The following GABBR2 variants were observed in gnomAD, a reference collection of about 807,000 sequenced individuals.
The protein encoded by GABBR2 is gamma-aminobutyric acid type B receptor subunit 2.
In GABBR2, 23 loss-of-function variants were observed where a neutral mutation model predicts 105.6. The ratio of observed to expected loss-of-function variants is 0.22; its 90% confidence interval spans 0.16 to 0.31. The LOEUF is 0.31. GABBR2 is among the 10% of genes least tolerant of loss of function. The pLI is 1.00. For missense variants in GABBR2, 734 were observed against 1,245.5 expected, an observed-to-expected ratio of 0.59 and a Z score of 6.18; for synonymous variants, 478 against 499.7, an observed-to-expected ratio of 0.96 and a Z score of 0.58.
intron 1 of GABBR2, among the ~76,000 whole-genome samples, chr9:98,657,987 A>T (rs1484279923): frequency 1.3e-5 from 2 of 152,250 alleles, no homozygotes; most frequent in Non-Finnish European, 2.9e-5. Context: ...AGTCTCAGGT[A>T]TTTCTTCATA....
chr9:98,411,138 CTT>C (rs1028421905), intron 7 of GABBR2, among the ~76,000 whole-genome samples: 1 of 152,138 alleles, frequency 6.6e-6, no homozygotes, highest in Non-Finnish European at 1.5e-5. Flanking sequence ...AAGTGGATAA[CTT>C]ATAAGGATTT....
At chr9:98,404,637 GCTGTA>G (rs1283039376) in intron 8 of GABBR2, among the ~76,000 whole-genome samples, 1 of 151,970 alleles carries the variant, frequency 6.6e-6, no homozygotes, top group African/African-American at 2.4e-5. Context: ...CCCGCTAATG[GCTGTA>G]CTGGTCTGCC....
At chr9:98,596,100 A>G (rs897163278) in intron 1 of GABBR2, among the ~76,000 whole-genome samples, 22 of 152,244 alleles carry the variant, frequency 1.4e-4, no homozygotes, top group African/African-American at 5.3e-4. Context: ...CTTAATGGTC[A>G]AGGGTCTGGC....
chr9:98,577,571 T>C (rs757319179), intron 2 of GABBR2, among the ~76,000 whole-genome samples: 21 of 152,140 alleles, frequency 1.4e-4, no homozygotes, highest in Non-Finnish European at 2.5e-4. Context: ...CCAGGGCGCA[T>C]GTGTGGAAAG....
At chr9:98,609,225 T>G (rs969544414) in intron 1 of GABBR2, among the ~76,000 whole-genome samples, 1 of 152,204 alleles carries the variant, frequency 6.6e-6, no homozygotes, top group Non-Finnish European at 1.5e-5. Context: ...GTTCCATCTC[T>G]TACAGACTGG....
chr9:98,410,133 G>GTTTTTTTTTT (rs1554702245), intron 7 of GABBR2, among the ~76,000 whole-genome samples: 4 of 132,338 alleles, frequency 3.0e-5, no homozygotes, highest in African/African-American at 1.7e-4. Context: ...TTTTTTTTTG[G>GTTTTTTTTTT]TTTCCCTCCC....
intron 11 of GABBR2, among the ~76,000 whole-genome samples, chr9:98,374,607 G>A (rs76566732): frequency 0.047 from 7,206 of 152,200 alleles, 193 homozygotes; most frequent in Non-Finnish European, 0.061. Context: ...AGACGGTGTC[G>A]ACATATCCAT....
intron 8 of GABBR2, among the ~76,000 whole-genome samples, chr9:98,394,967 T>A (rs1832261024): frequency 6.6e-6 from 1 of 152,222 alleles, no homozygotes; most frequent in Non-Finnish European, 1.5e-5. Flanking sequence ...AAGCATAATC[T>A]CCCACTGCTC....
intron 1 of GABBR2, among the ~76,000 whole-genome samples, chr9:98,659,664 G>A (rs983629366): frequency 1.8e-4 from 27 of 151,692 alleles, no homozygotes; most frequent in Non-Finnish European, 3.4e-4. Context: ...GGGATTACAG[G>A]CACCCACCAC....
At chr9:98,631,199 C>T (rs1829812254) in intron 1 of GABBR2, among the ~76,000 whole-genome samples, 1 of 152,168 alleles carries the variant, frequency 6.6e-6, no homozygotes, top group South Asian at 2.1e-4. Flanking sequence ...TCATGAACTT[C>T]AGTGGTGTGT....
At chr9:98,467,306 T>G (rs190882958) in intron 6 of GABBR2, among the ~76,000 whole-genome samples, 8 of 152,232 alleles carry the variant, frequency 5.3e-5, no homozygotes, top group Non-Finnish European at 1.2e-4. Context: ...AGTTGGGAAG[T>G]GTTGGGGCCA....
intron 3 of GABBR2, among the ~76,000 whole-genome samples, chr9:98,515,200 C>G (rs1827733871): frequency 6.6e-6 from 1 of 152,196 alleles, no homozygotes; most frequent in African/African-American, 2.4e-5. Flanking sequence ...ACTGCTGCAT[C>G]TCCAAGGAAC....
At chr9:98,563,577 C>A (rs1375983105) in intron 2 of GABBR2, among the ~76,000 whole-genome samples, 1 of 152,154 alleles carries the variant, frequency 6.6e-6, no homozygotes. Context: ...TCAGAAGACA[C>A]CCCGGATGTG....
chr9:98,492,349 T>TTAAAAAAAAAAAAAAAAAAAA (rs752135873), intron 4 of GABBR2, among the ~76,000 whole-genome samples: 3 of 29,220 alleles, frequency 1.0e-4, no homozygotes, highest in Non-Finnish European at 2.6e-4. Flanking sequence ...TGTTTCCTAG[T>TTAAAAAAAAAAAAAAAAAAAA]AAAAAAAAAA....
At chr9:98,488,330 C>G (rs566720816) in intron 4 of GABBR2, among the ~76,000 whole-genome samples, 1 of 152,330 alleles carries the variant, frequency 6.6e-6, no homozygotes, top group East Asian at 1.9e-4. Context: ...TTCTAGGACA[C>G]TCAGTTGTTG....
At chr9:98,502,503 C>G (rs975548609) in intron 3 of GABBR2, among the ~76,000 whole-genome samples, 88 of 152,220 alleles carry the variant, frequency 5.8e-4, no homozygotes, top group Non-Finnish European at 1.0e-3. Context: ...TGTGGGCCAG[C>G]CTGTTCTCTC....
chr9:98,529,431 C>T (rs941333265), intron 3 of GABBR2, among the ~76,000 whole-genome samples: 5 of 152,062 alleles, frequency 3.3e-5, no homozygotes, highest in African/African-American at 7.2e-5. Flanking sequence ...GAAGCCATTT[C>T]GATAGCAAGA....
chr9:98,626,615 C>A (rs10081774), intron 1 of GABBR2, among the ~76,000 whole-genome samples: 13,802 of 152,094 alleles, frequency 0.091, 1,014 homozygotes, highest in African/African-American at 0.2. Flanking sequence ...ACTTATATCT[C>A]TTAGGACTAT....
At chr9:98,652,842 T>C (rs1236039071) in intron 1 of GABBR2, among the ~76,000 whole-genome samples, 1 of 152,232 alleles carries the variant, frequency 6.6e-6, no homozygotes, top group Non-Finnish European at 1.5e-5. Flanking sequence ...TCAATCCCCA[T>C]GCCCAGGAGC....
Sources: gnomAD v4.1 joint callset for allele counts (sites outside exome capture counted in the v4.1 genomes callset) on GRCh38, gnomAD v4.1.1 for gene constraint, MANE v1.5 for transcripts, NCBI Gene and HGNC (gene_info 2026-07-23, HGNC 2026-07-21) for gene names.